Variants in PSD3 observed in about 807,000 individuals in gnomAD.
PSD3 encodes the protein PH and SEC7 domain-containing protein 3.
PSD3 carries 49 observed loss-of-function variants against 105.5 expected under a neutral mutation model. The ratio of observed to expected loss-of-function variants is 0.46; its 90% CI spans 0.37 to 0.59. PSD3 has a LOEUF of 0.59. Ranked by LOEUF, PSD3 falls within the 20% of genes least tolerant of loss-of-function variation. The pLI, the probability that PSD3 is intolerant of heterozygous loss-of-function variation, is 0.00. For synonymous variants in PSD3, 557 were observed against 457.8 expected, an observed-to-expected ratio of 1.22 and a Z score of -2.77; for missense variants, 1,561 against 1,263.8, an observed-to-expected ratio of 1.24 and a Z score of -3.57.
At chr8:19,076,678 T>C (rs1829471607) in intron 1 of PSD3, among the ~76,000 whole-genome samples, 1 of 152,200 alleles carries the variant, frequency 6.6e-6, no homozygotes, top group South Asian at 2.1e-4. Flanking sequence ...TCCAAAATGT[T>C]GTTTTTAAAT....
rs79558062 is a variant in PSD3, at chr8:18,760,955, A to G, written c.2172+4494T>C. ...GTTTTAATCACTTCAAGTAATTCAC[A>G]TCTCCATCAATATTCCAGGATAATC... is the stretch of plus-strand genomic sequence containing the variant. On this transcript the variant is annotated intron_variant, in intron 9 of 15. Coordinates refer to ENST00000327040, the MANE Select transcript of PSD3 (RefSeq NM_015310.4). Among the ~76,000 whole-genome samples, 1,280 of 152,288 alleles carry G rather than the reference A, an allele frequency of 8.4e-3. 20 individuals are homozygous for G. The highest frequency in any genetic ancestry group is 0.029 in the African/African-American group (1,212 of 41,534).
At chr8:19,063,101 CAA>C (rs1242700641) in intron 1 of PSD3, among the ~76,000 whole-genome samples, 1 of 152,192 alleles carries the variant, frequency 6.6e-6, no homozygotes, top group Non-Finnish European at 1.5e-5. Context: ...ACTGTTATTT[CAA>C]ATTTGCTAAA....
intron 1 of PSD3, among the ~76,000 whole-genome samples, chr8:18,955,862 G>A (rs950643919): frequency 1.3e-4 from 20 of 152,114 alleles, no homozygotes; most frequent in African/African-American, 4.8e-4. Flanking sequence ...TCCGCCTCCC[G>A]GGTTCAAGTG....
At chr8:18,657,571 G>A (rs1364381362) in intron 9 of PSD3, among the ~76,000 whole-genome samples, 1 of 152,176 alleles carries the variant, frequency 6.6e-6, no homozygotes, top group Non-Finnish European at 1.5e-5. Context: ...TTGCATATTT[G>A]TTTTGAAGAA....
intron 9 of PSD3, among the ~76,000 whole-genome samples, chr8:18,656,793 C>A (rs1436042737): frequency 6.6e-6 from 1 of 152,080 alleles, no homozygotes; most frequent in Non-Finnish European, 1.5e-5. Flanking sequence ...GATAATAGTG[C>A]ACAACAGCCT....
intron 14 of PSD3, among the ~76,000 whole-genome samples, chr8:18,562,105 G>GAACA (rs1256543656): frequency 6.6e-6 from 1 of 152,166 alleles, no homozygotes; most frequent in Non-Finnish European, 1.5e-5. Flanking sequence ...GGGAAACAGA[G>GAACA]AACACATTTA....
At chr8:19,006,264 G>A (rs1378691545) in intron 1 of PSD3, among the ~76,000 whole-genome samples, 9 of 146,858 alleles carry the variant, frequency 6.1e-5, no homozygotes, top group African/African-American at 2.0e-4. Context: ...TTGCACCCCC[G>A]GCCTGGGTGA....
intron 2 of PSD3, among the ~76,000 whole-genome samples, chr8:18,877,156 G>A (rs991087449): frequency 1.3e-5 from 2 of 152,100 alleles, no homozygotes; most frequent in African/African-American, 4.8e-5. Flanking sequence ...AAGCACAAAC[G>A]TTTTTACTTT....
intron 2 of PSD3, among the ~76,000 whole-genome samples, chr8:18,884,620 G>C (rs527453855): frequency 0.011 from 1,539 of 142,260 alleles, 16 homozygotes; most frequent in Middle Eastern, 0.026. Context: ...TATGTGTTAG[G>C]AAAAAAATAA....
chr8:18,767,845 G>A (rs1026181294), intron 8 of PSD3, among the ~76,000 whole-genome samples: 3 of 152,026 alleles, frequency 2.0e-5, no homozygotes, highest in African/African-American at 7.2e-5. Context: ...TGCTTTTCAA[G>A]GTCACGCTAT....
At chr8:19,067,204 G>A (rs1829102535) in intron 1 of PSD3, among the ~76,000 whole-genome samples, 1 of 152,192 alleles carries the variant, frequency 6.6e-6, no homozygotes, top group Admixed American at 6.5e-5. Context: ...AGACAAGTCA[G>A]AGGAAAATAT....
intron 1 of PSD3, among the ~76,000 whole-genome samples, chr8:18,979,068 C>T (rs562361554): frequency 3.9e-5 from 6 of 152,162 alleles, no homozygotes; most frequent in South Asian, 2.1e-4. Context: ...ATCTGGAGGA[C>T]GAATGGGTAA....
chr8:19,074,722 G>A (rs1334061548), intron 1 of PSD3, among the ~76,000 whole-genome samples: 2 of 142,856 alleles, frequency 1.4e-5, no homozygotes, highest in Non-Finnish European at 3.0e-5. Context: ...CCGGGTTCAC[G>A]CCATTCTCCT....
chr8:18,691,249 A>AT (rs973292276), intron 9 of PSD3, among the ~76,000 whole-genome samples: 7 of 152,140 alleles, frequency 4.6e-5, no homozygotes, highest in East Asian at 1.9e-4. Context: ...AAAAAACCTC[A>AT]TTTTTTCCCC....
chr8:18,609,707 A>C (rs952547415), intron 11 of PSD3, among the ~76,000 whole-genome samples: 6 of 152,256 alleles, frequency 3.9e-5, no homozygotes, highest in South Asian at 2.1e-4. Flanking sequence ...TGCTTTCTGC[A>C]ATTGATGTGC....
chr8:19,031,783 C>A (rs959327060), intron 1 of PSD3, among the ~76,000 whole-genome samples: 5 of 152,048 alleles, frequency 3.3e-5, no homozygotes, highest in African/African-American at 1.2e-4. Flanking sequence ...AAAATAAACC[C>A]ACGAGCAAAA....
intron 1 of PSD3, among the ~76,000 whole-genome samples, chr8:18,960,140 A>G (rs1203273424): frequency 6.6e-6 from 1 of 152,234 alleles, no homozygotes; most frequent in Non-Finnish European, 1.5e-5. Context: ...CAGTTTCTCT[A>G]TCAAGAAAAA....
Position 18,556,272 on chromosome 8 carries a change from G to C in PSD3, c.2865C>G (p.Asp955Glu). The change falls in exon 15 of 16, where the codon GAC (aspartate) becomes GAG (glutamate). Residue 955 changes from aspartate to glutamate, a missense_variant. By Grantham distance (45) the Asp-to-Glu change is conservative. Transcript: ENST00000327040. ...ELAEHRSYPP[D>E]KKVKAKDVDE... ...CGACGTCCTTGGCTTTGACCTTCTT[G>C]TCGGGGGGATATGAGCGGTGCTCGG... 1.9e-6 allele frequency: 3 copies of C among 1,614,044 alleles called. No homozygotes were observed. The highest frequency in any genetic ancestry group is 2.5e-6 in the Non-Finnish European group (3 of 1,179,992).
intron 2 of PSD3, among the ~76,000 whole-genome samples, chr8:18,912,591 A>C (rs551311163): frequency 6.6e-6 from 1 of 152,206 alleles, no homozygotes; most frequent in South Asian, 2.1e-4. Context: ...GTGCCTGTTA[A>C]TGTTTATCAT....
Sources: allele counts gnomAD v4.1 joint callset (sites outside exome capture counted in the v4.1 genomes callset), GRCh38; gene constraint gnomAD v4.1.1; transcripts MANE v1.5; gene names NCBI Gene and HGNC (gene_info 2026-07-23, HGNC 2026-07-21).